Variants in COL26A1 observed in about 807,000 individuals in gnomAD.
The protein encoded by COL26A1 is collagen type XXVI alpha 1 chain, also known as collagen alpha-1(XXVI) chain.
COL26A1 carries 41 observed loss-of-function variants against 59.3 expected under a neutral mutation model. That is an observed-to-expected ratio of 0.69 (90% CI 0.54 to 0.90). The LOEUF (loss-of-function observed/expected upper bound fraction) is 0.90. Among genes scored for constraint, COL26A1 ranks in the 40% least tolerant of loss-of-function variants. COL26A1 has a pLI of 0.00. For missense variants in COL26A1, 612 were observed against 602.3 expected, an observed-to-expected ratio of 1.02 and a Z score of -0.17; for synonymous variants, 266 against 256.0, an observed-to-expected ratio of 1.04 and a Z score of -0.37.
intron 3 of COL26A1, among the ~76,000 whole-genome samples, chr7:101,490,562 A>G (rs1794435693): frequency 6.6e-6 from 1 of 151,436 alleles, no homozygotes; most frequent in Admixed American, 6.6e-5. Flanking sequence ...TTAGCTGGGT[A>G]TGGTGGCACA....
chr7:101,499,879 TAAAAA>T (rs35539371), intron 3 of COL26A1, among the ~76,000 whole-genome samples: 2 of 79,708 alleles, frequency 2.5e-5, no homozygotes, highest in African/African-American at 1.4e-4. Context: ...GTCCCTGCCT[TAAAAA>T]AAAAAAAAAA....
chr7:101,507,150 A>G (rs148032871), intron 3 of COL26A1, among the ~76,000 whole-genome samples: 4,983 of 152,210 alleles, frequency 0.033, 101 homozygotes, highest in South Asian at 0.062. Flanking sequence ...CCTGGCCTCA[A>G]GTGATCCGCC....
At chr7:101,448,458 C>T (rs1384671059) in intron 3 of COL26A1, among the ~76,000 whole-genome samples, 1 of 152,072 alleles carries the variant, frequency 6.6e-6, no homozygotes, top group Non-Finnish European at 1.5e-5. Context: ...CTGGATGGGT[C>T]TGGAGGCTGA....
At chr7:101,510,027 C>CTTTTTTTTTTTTTTTTT (rs3073374) in intron 3 of COL26A1, among the ~76,000 whole-genome samples, 3 of 122,300 alleles carry the variant, frequency 2.5e-5, no homozygotes, top group African/African-American at 1.2e-4. Flanking sequence ...CGCGCCCAGT[C>CTTTTTTTTTTTTTTTTT]TTTTTTTTTT....
At chr7:101,526,136 C>T (rs1795243628) in intron 3 of COL26A1, among the ~76,000 whole-genome samples, 1 of 151,952 alleles carries the variant, frequency 6.6e-6, no homozygotes, top group Admixed American at 6.6e-5. Context: ...GCAACCTCCG[C>T]CTCCTGGGTT....
chr7:101,464,449 G>T (rs1793707345), intron 3 of COL26A1, among the ~76,000 whole-genome samples: 1 of 151,226 alleles, frequency 6.6e-6, no homozygotes, highest in African/African-American at 2.4e-5. Flanking sequence ...TTTTGCTCTT[G>T]TTGCCCAGGC....
chr7:101,495,728 T>C (rs1584462101), intron 3 of COL26A1, among the ~76,000 whole-genome samples: 1 of 146,316 alleles, frequency 6.8e-6, no homozygotes, highest in Admixed American at 6.8e-5. Flanking sequence ...CAGCGTAGGG[T>C]ATTTTTGCCA....
At chr7:101,536,515 G>A (rs778367593) in intron 4 of COL26A1, among the ~76,000 whole-genome samples, 66 of 152,202 alleles carry the variant, frequency 4.3e-4, no homozygotes, top group Non-Finnish European at 7.3e-4. Context: ...CCAGGGCAGA[G>A]GCTGGGATCC....
At chr7:101,508,491 A>C (rs28566935) in intron 3 of COL26A1, among the ~76,000 whole-genome samples, 47,683 of 148,116 alleles carry the variant, frequency 0.32, 11,269 homozygotes, top group African/African-American at 0.68. Flanking sequence ...TGTACTCCAG[A>C]CTGAACAACA....
At chr7:101,488,349 A>AATTTATATATATATAT (rs1491342922) in intron 3 of COL26A1, among the ~76,000 whole-genome samples, 32 of 104,962 alleles carry the variant, frequency 3.0e-4, no homozygotes, top group African/African-American at 1.1e-3. Context: ...AATTTTATTT[A>AATTTATATATATATAT]ATATATATAT....
intron 9 of COL26A1, 45 bp downstream of exon 9, chr7:101,549,268 G>A (rs1326608798): frequency 2.8e-6 from 4 of 1,436,242 alleles, no homozygotes; most frequent in Non-Finnish European, 2.9e-6. Flanking sequence ...GGCGGCGGGT[G>A]GCGGGTGGCC....
chr7:101,459,749 T>C (rs1182455872), intron 3 of COL26A1, among the ~76,000 whole-genome samples: 1 of 152,064 alleles, frequency 6.6e-6, no homozygotes, highest in African/African-American at 2.4e-5. Flanking sequence ...TTTTTACTCT[T>C]TTTTTCTGTA....
At chr7:101,540,454 C>T (rs936751118) in intron 5 of COL26A1, among the ~76,000 whole-genome samples, 1 of 150,684 alleles carries the variant, frequency 6.6e-6, no homozygotes, top group Non-Finnish European at 1.5e-5. Flanking sequence ...AGGAGAATCG[C>T]TTGAACCCGG....
chr7:101,529,818 A>G (rs1197714267), intron 3 of COL26A1, among the ~76,000 whole-genome samples: 1 of 152,040 alleles, frequency 6.6e-6, no homozygotes, highest in Non-Finnish European at 1.5e-5. Context: ...TCTTTATCCA[A>G]TCCACCATTG....
intron 3 of COL26A1, among the ~76,000 whole-genome samples, chr7:101,529,029 G>A (rs1429537514): frequency 6.6e-6 from 1 of 151,894 alleles, no homozygotes; most frequent in Non-Finnish European, 1.5e-5. Flanking sequence ...AGCCAGGCAC[G>A]GTGGCACGTG....
chr7:101,375,850 G>A (rs1281487211), intron 1 of COL26A1, among the ~76,000 whole-genome samples: 2 of 151,970 alleles, frequency 1.3e-5, no homozygotes, highest in Admixed American at 6.6e-5. Flanking sequence ...GCTGGGTGTG[G>A]TGGCGGGTGC....
At chr7:101,406,437 C>T (rs1792130851) in intron 1 of COL26A1, among the ~76,000 whole-genome samples, 1 of 152,158 alleles carries the variant, frequency 6.6e-6, no homozygotes, top group Non-Finnish European at 1.5e-5. Context: ...CTCAGAGACA[C>T]TCATTTTGCT....
intron 2 of COL26A1, among the ~76,000 whole-genome samples, chr7:101,423,010 A>G (rs917663208): frequency 6.6e-6 from 1 of 152,158 alleles, no homozygotes; most frequent in South Asian, 2.1e-4. Flanking sequence ...CACGCCTGCA[A>G]TTGCAGCACT....
chr7:101,540,132 C>T, intron 5 of COL26A1, 83 bp downstream of exon 5: 69 of 1,390,350 alleles, frequency 5.0e-5, no homozygotes, highest in Non-Finnish European at 6.2e-5. Flanking sequence ...CTAGAGAGGC[C>T]ACACACTAGA....
Sources: allele counts gnomAD v4.1 joint callset (sites outside exome capture counted in the v4.1 genomes callset), GRCh38; gene constraint gnomAD v4.1.1; transcripts MANE v1.5; gene names NCBI Gene and HGNC (gene_info 2026-07-23, HGNC 2026-07-21).